SEC63: variants seen among roughly 807,000 people sequenced by gnomAD.
The protein encoded by SEC63 is SEC63 protein translocation regulator.
Under a neutral mutation model 116.2 loss-of-function variants are expected in SEC63, and 56 were observed. That is an observed-to-expected ratio of 0.48 (90% CI 0.39 to 0.60). SEC63 has a LOEUF of 0.60. Among genes scored for constraint, SEC63 ranks in the 20% least tolerant of loss-of-function variants. The probability of loss-of-function intolerance (pLI) is 0.00; values close to 1 mark genes in which losing one functional copy is unlikely to be tolerated. For synonymous variants in SEC63, 273 were observed against 294.6 expected (o/e 0.93, Z 0.75); for missense variants, 668 against 900.0 (o/e 0.74, Z 3.30).
chr6:107,928,488 C>CAA (rs764402389), intron 2 of SEC63, among the ~76,000 whole-genome samples: 4 of 84,814 alleles, frequency 4.7e-5, no homozygotes, highest in Non-Finnish European at 2.4e-5. Flanking sequence ...GACTCTGTCT[C>CAA]AAAAAAAAAA....
chr6:107,914,803 C>T (rs1787362112), intron 4 of SEC63, among the ~76,000 whole-genome samples: 1 of 152,150 alleles, frequency 6.6e-6, no homozygotes, highest in South Asian at 2.1e-4. Flanking sequence ...CCATCTCTGT[C>T]CCCTTCTGCC....
chr6:107,917,427 G>A (rs1000307127), intron 4 of SEC63, among the ~76,000 whole-genome samples: 6 of 152,074 alleles, frequency 3.9e-5, no homozygotes, highest in South Asian at 2.1e-4. Flanking sequence ...CTCCCTGACC[G>A]AGCTGGTCTC....
At chr6:107,950,149 A>G (rs758337186) in intron 1 of SEC63, among the ~76,000 whole-genome samples, 1 of 152,228 alleles carries the variant, frequency 6.6e-6, no homozygotes, top group Non-Finnish European at 1.5e-5. Flanking sequence ...ACTATAAGAC[A>G]AAATAGACTT....
At position 107,911,021 on chromosome 6, in the gene SEC63, A is replaced by G. The variant is rs535144110; in HGVS notation, c.624+325T>C. 2.3e-4 allele frequency: 59 copies of G among 261,360 alleles called. 1 individual carries two copies. The South Asian group carries it at 2.5e-3, about 11-fold the overall frequency. The allele number at this position is 261,360 out of a possible 1,614,324, so 16.2% of individuals were successfully genotyped here. ...CCACCATGCCCGGTCAGTTGTGGGT[A>G]ATTTTTGAATTGGGAGGATATACAC... On this transcript the variant is annotated intron_variant, in intron 7 of 20. Transcript: ENST00000369002.
chr6:107,868,522 T>A lies in SEC63; in HGVS notation c.*3182A>T, dbSNP rs957205770. The A allele has an allele frequency of 6.6e-6, 1 of 152,372 alleles. No individual in the cohort carries two copies. Among genetic ancestry groups the A allele is most frequent in the Non-Finnish European group, 1.5e-5 (1 of 68,272 alleles). The allele number at this position is 152,372 out of a possible 1,614,324, so 9.4% of individuals were successfully genotyped here. On this transcript the variant is annotated 3_prime_UTR_variant, in exon 21 of 21. Transcript: ENST00000369002. ...TGAAGCTGGGAGGCGGAGGTTGCAG[T>A]GAGCTGAGATCGTGCCACTGCACTC...
chr6:107,923,863 C>T (rs988514025), intron 3 of SEC63, among the ~76,000 whole-genome samples: 1 of 152,144 alleles, frequency 6.6e-6, no homozygotes, highest in African/African-American at 2.4e-5. Flanking sequence ...TTTTACATTG[C>T]TTAAGTGTCA....
At chr6:107,896,528 T>A (rs1347820083) in intron 14 of SEC63, among the ~76,000 whole-genome samples, 5 of 152,038 alleles carry the variant, frequency 3.3e-5, no homozygotes, top group Admixed American at 2.6e-4. Context: ...CAAAAAAGCA[T>A]GAGACAAGTA....
intron 4 of SEC63, 66 bp downstream of exon 4, chr6:107,921,731 C>T: frequency 1.0e-6 from 1 of 996,882 alleles, no homozygotes; most frequent in Non-Finnish European, 1.6e-6. Flanking sequence ...GGATTACAGG[C>T]ATGAACCACT....
Position 107,901,431 on chromosome 6 carries a change from A to G in SEC63, c.1296T>C (p.Tyr432=), listed in dbSNP as rs1434492266. Residue 432 remains tyrosine (Y), a synonymous_variant, in exon 13 of 21, where the codon TAT becomes TAC. Transcript: ENST00000369002. ...TLLHFLEDEK[Y]EEVMAVLGSF... Reference sequence around the variant, plus strand: ...TCCCAAGGACAGCCATAACCTCTTCATATTTTTCATCTTCAAGGAAGTGCA... The same window carrying G: ...TCCCAAGGACAGCCATAACCTCTTCGTATTTTTCATCTTCAAGGAAGTGCA... The G allele has an allele frequency of 1.2e-6, 2 of 1,613,164 alleles. No individual in the cohort carries two copies. The highest frequency in any genetic ancestry group is 1.7e-6 in the Non-Finnish European group (2 of 1,179,384).
Position 107,883,384 on chromosome 6 carries a change from A to G in SEC63, c.1675-238T>C, listed in dbSNP as rs111981169. ...TTAGTTATTTTATTCATTCTTCATA[A>G]TTTGTCAAATAAAAGTATTTCTATT... On this transcript the variant is annotated intron_variant, in intron 16 of 20. Transcript: ENST00000369002. 773 of 470,366 alleles carry G rather than the reference A, an allele frequency of 1.6e-3. 6 individuals carry two copies. The highest frequency in any genetic ancestry group is 0.014 in the African/African-American group (689 of 50,966). 29.1% of individuals were successfully genotyped at this position (470,366 alleles called of 1,614,324 possible).
At chr6:107,930,724 G>A (rs112718277) in intron 1 of SEC63, among the ~76,000 whole-genome samples, 31 of 152,136 alleles carry the variant, frequency 2.0e-4, no homozygotes, top group African/African-American at 5.3e-4. Context: ...GTCAGGCACC[G>A]TGGCTCACCT....
At chr6:107,885,562 T>C (rs1331898556) in intron 16 of SEC63, among the ~76,000 whole-genome samples, 3 of 152,246 alleles carry the variant, frequency 2.0e-5, no homozygotes, top group Non-Finnish European at 2.9e-5. Flanking sequence ...ATTGTTAACA[T>C]GTCAATTCTC....
chr6:107,905,705 T>C (rs150880691), intron 10 of SEC63, among the ~76,000 whole-genome samples: 21 of 152,278 alleles, frequency 1.4e-4, no homozygotes, highest in African/African-American at 5.1e-4. Context: ...GTGTTGGTTG[T>C]TGTGAAATCC....
chr6:107,887,826 C>T (rs531635057), intron 16 of SEC63, among the ~76,000 whole-genome samples: 1 of 152,224 alleles, frequency 6.6e-6, no homozygotes, highest in East Asian at 1.9e-4. Flanking sequence ...GCCAGTTTTC[C>T]CAATACCATT....
At chr6:107,924,687 ATCT>A in intron 3 of SEC63, 128 bp downstream of exon 3, 2 of 642,892 alleles carry the variant, frequency 3.1e-6, no homozygotes, top group Non-Finnish European at 5.5e-6. Flanking sequence ...AGGATTAGAC[ATCT>A]TATTTTAATA....
At chr6:107,879,709 T>TCAGC (rs1786366807) in intron 18 of SEC63, among the ~76,000 whole-genome samples, 1 of 144,970 alleles carries the variant, frequency 6.9e-6, no homozygotes, top group Admixed American at 7.5e-5. Context: ...ATTTTGCTGA[T>TCAGC]AAAATGATTT....
chr6:107,924,728 T>C (rs1787636438), intron 3 of SEC63, 90 bp downstream of exon 3: 1 of 716,352 alleles, frequency 1.4e-6, no homozygotes, highest in South Asian at 1.5e-5. Flanking sequence ...CTGATTTCTA[T>C]AGGAATAGAC....
chr6:107,904,971 C>T (rs1272994392), intron 10 of SEC63, among the ~76,000 whole-genome samples: 1 of 152,114 alleles, frequency 6.6e-6, no homozygotes. Flanking sequence ...AATAAACCAA[C>T]TCCCAGCTGG....
intron 18 of SEC63, among the ~76,000 whole-genome samples, chr6:107,880,792 A>G (rs1462907514): frequency 3.3e-5 from 5 of 152,196 alleles, no homozygotes; most frequent in Non-Finnish European, 7.3e-5. Flanking sequence ...CAGAGGTGAG[A>G]GATTCATAAT....
Sources: gnomAD v4.1 joint callset for allele counts (sites outside exome capture counted in the v4.1 genomes callset) on GRCh38, gnomAD v4.1.1 for gene constraint, MANE v1.5 for transcripts, NCBI Gene and HGNC (gene_info 2026-07-23, HGNC 2026-07-21) for gene names.